PDZRN3: variants seen among roughly 807,000 people sequenced by gnomAD.
PDZRN3 encodes PDZ domain containing ring finger 3, also known as E3 ubiquitin-protein ligase PDZRN3.
Under a neutral mutation model 85.7 loss-of-function variants are expected in PDZRN3, and 38 were observed. That is an observed-to-expected ratio of 0.44 (90% CI 0.34 to 0.58). The LOEUF (loss-of-function observed/expected upper bound fraction) is 0.58. Ranked by LOEUF, PDZRN3 falls within the 20% of genes least tolerant of loss-of-function variation. The pLI is 0.01. For missense variants in PDZRN3, 1,629 were observed against 1,506.4 expected (o/e 1.08, Z -1.35); for synonymous variants, 759 against 638.0 (o/e 1.19, Z -2.86).
At position 73,467,416 on chromosome 3, in the gene PDZRN3, G is replaced by A. The variant is rs141496050; in HGVS notation, c.919-63021C>T. Among the ~76,000 whole-genome samples, 15 of 152,270 alleles carry A rather than the reference G, an allele frequency of 9.9e-5. No individual in the cohort carries two copies. In the East Asian group the frequency reaches 2.9e-3, roughly 29 times the overall value. On this transcript the variant is annotated intron_variant, in intron 3 of 9. Transcript: ENST00000263666. ...ATTTGTTTCTCCAATTAGATTAGTT[G>A]CTCACTCAGTGTTCCTGTTCATTTC...
chr3:73,547,100 A>G (rs1559732131), intron 3 of PDZRN3, among the ~76,000 whole-genome samples: 1 of 152,200 alleles, frequency 6.6e-6, no homozygotes, highest in Non-Finnish European at 1.5e-5. Flanking sequence ...TCACGACAAC[A>G]GCCCAAGTAA....
At chr3:73,459,326 T>G (rs1038732440) in intron 3 of PDZRN3, among the ~76,000 whole-genome samples, 6 of 152,186 alleles carry the variant, frequency 3.9e-5, no homozygotes, top group African/African-American at 1.4e-4. Flanking sequence ...TATCATGAAT[T>G]AAGTACTTTT....
chr3:73,515,918 A>C (rs1379510818), intron 3 of PDZRN3, among the ~76,000 whole-genome samples: 3 of 152,244 alleles, frequency 2.0e-5, no homozygotes, highest in African/African-American at 7.2e-5. Flanking sequence ...AAGTTTAACT[A>C]CTGCTCATTT....
chr3:73,397,315 A>C (rs1325371384), intron 5 of PDZRN3, among the ~76,000 whole-genome samples: 1 of 152,254 alleles, frequency 6.6e-6, no homozygotes, highest in Non-Finnish European at 1.5e-5. Context: ...CGCTGACTTT[A>C]GTCCAATTCA....
At chr3:73,454,557 G>A (rs1267681135) in intron 3 of PDZRN3, among the ~76,000 whole-genome samples, 1 of 152,158 alleles carries the variant, frequency 6.6e-6, no homozygotes, top group Non-Finnish European at 1.5e-5. Context: ...TGTTTGCTTT[G>A]CCTGGGTTGT....
At chr3:73,395,633 T>A (rs1048465494) in intron 5 of PDZRN3, among the ~76,000 whole-genome samples, 1 of 152,208 alleles carries the variant, frequency 6.6e-6, no homozygotes, top group Non-Finnish European at 1.5e-5. Context: ...CACTAAAGCA[T>A]AACTCTTCAA....
At chr3:73,498,940 C>T (rs1235299733) in intron 3 of PDZRN3, among the ~76,000 whole-genome samples, 1 of 152,086 alleles carries the variant, frequency 6.6e-6, no homozygotes, top group Non-Finnish European at 1.5e-5. Context: ...CTGTGCGGGT[C>T]GCTGGTCAGG....
At chr3:73,415,579 A>G (rs1212371425) in intron 3 of PDZRN3, among the ~76,000 whole-genome samples, 1 of 152,180 alleles carries the variant, frequency 6.6e-6, no homozygotes, top group Non-Finnish European at 1.5e-5. Context: ...TAGAAACTGC[A>G]CTTTCGGTAT....
At chr3:73,572,254 T>C (rs1341747589) in intron 3 of PDZRN3, among the ~76,000 whole-genome samples, 1 of 152,224 alleles carries the variant, frequency 6.6e-6, no homozygotes, top group Admixed American at 6.5e-5. Flanking sequence ...AAGGATTGGT[T>C]TTCTTCCTTT....
chr3:73,454,967 T>A (rs568459861), intron 3 of PDZRN3, among the ~76,000 whole-genome samples: 3 of 152,156 alleles, frequency 2.0e-5, no homozygotes, highest in African/African-American at 7.2e-5. Context: ...TTCTACACTA[T>A]CTTGACTAAT....
chr3:73,404,930 G>C (rs1292442956), intron 3 of PDZRN3, among the ~76,000 whole-genome samples: 1 of 152,182 alleles, frequency 6.6e-6, no homozygotes, highest in Non-Finnish European at 1.5e-5. Context: ...AGTTATTATG[G>C]AGAAGGAATT....
At chr3:73,459,056 A>G (rs1408325818) in intron 3 of PDZRN3, among the ~76,000 whole-genome samples, 2 of 152,122 alleles carry the variant, frequency 1.3e-5, no homozygotes, top group Admixed American at 1.3e-4. Flanking sequence ...ACAGTTCGGC[A>G]TTGCTGGGGA....
chr3:73,615,919 C>G (rs1702755112), intron 1 of PDZRN3, among the ~76,000 whole-genome samples: 1 of 152,206 alleles, frequency 6.6e-6, no homozygotes, highest in Non-Finnish European at 1.5e-5. Flanking sequence ...CCCCAAATCT[C>G]TGTTGATATC....
At chr3:73,413,611 C>T (rs547058066) in intron 3 of PDZRN3, among the ~76,000 whole-genome samples, 11 of 152,026 alleles carry the variant, frequency 7.2e-5, no homozygotes, top group Non-Finnish European at 1.2e-4. Context: ...CTTCGAAATG[C>T]GTGTTCTAAC....
chr3:73,569,429 A>T, intron 3 of PDZRN3: 1 of 1,143,608 alleles, frequency 8.7e-7, no homozygotes, highest in Non-Finnish European at 1.1e-6. Flanking sequence ...TGTCTCTTCC[A>T]TGTCACGTTC....
intron 3 of PDZRN3, among the ~76,000 whole-genome samples, chr3:73,580,828 C>T (rs894398582): frequency 6.6e-6 from 1 of 152,174 alleles, no homozygotes; most frequent in African/African-American, 2.4e-5. Flanking sequence ...AGTAATTCTG[C>T]CTAAATTACT....
chr3:73,560,759 G>A (rs954295264), intron 3 of PDZRN3, among the ~76,000 whole-genome samples: 7 of 152,166 alleles, frequency 4.6e-5, no homozygotes, highest in African/African-American at 1.7e-4. Flanking sequence ...TCTGTATTTA[G>A]CACAGCCATG....
chr3:73,552,726 C>G (rs1477839617), intron 3 of PDZRN3, among the ~76,000 whole-genome samples: 2 of 152,238 alleles, frequency 1.3e-5, no homozygotes, highest in African/African-American at 4.8e-5. Context: ...CCAAGAAGAA[C>G]AGGTGCTAGT....
intron 3 of PDZRN3, among the ~76,000 whole-genome samples, chr3:73,405,955 T>A (rs2106733353): frequency 1.3e-5 from 2 of 152,334 alleles, no homozygotes; most frequent in Middle Eastern, 3.4e-3. Flanking sequence ...TGAAGTGCGT[T>A]GTAAACAACT....
Sources: allele counts gnomAD v4.1 joint callset (sites outside exome capture counted in the v4.1 genomes callset), GRCh38; gene constraint gnomAD v4.1.1; transcripts MANE v1.5; gene names NCBI Gene and HGNC (gene_info 2026-07-23, HGNC 2026-07-21).